Variants in PTPRK observed in about 807,000 individuals in gnomAD.
PTPRK encodes the protein protein tyrosine phosphatase receptor type K.
In PTPRK, 75 loss-of-function variants were observed where a neutral mutation model predicts 178.0. The observed-to-expected ratio is 0.42, with a 90% CI of 0.35 to 0.51. The LOEUF is 0.51. Ranked by LOEUF, PTPRK falls within the 20% of genes least tolerant of loss-of-function variation. PTPRK has a pLI of 0.02. For synonymous variants in PTPRK, 637 were observed against 620.6 expected, an observed-to-expected ratio of 1.03 and a Z score of -0.39; for missense variants, 1,441 against 1,797.8, an observed-to-expected ratio of 0.80 and a Z score of 3.59.
At chr6:127,993,336 CATCTT>C (rs1314922848) in intron 18 of PTPRK, among the ~76,000 whole-genome samples, 10 of 151,488 alleles carry the variant, frequency 6.6e-5, no homozygotes, top group Non-Finnish European at 1.3e-4. Flanking sequence ...TTTAAAAATG[CATCTT>C]ATCTTGAGCA....
chr6:128,065,089 T>C (rs888494377), intron 12 of PTPRK, among the ~76,000 whole-genome samples: 15 of 152,206 alleles, frequency 9.9e-5, no homozygotes, highest in African/African-American at 3.6e-4. Context: ...TCATGTATAG[T>C]GCTTCGTAAA....
At position 128,017,808 on chromosome 6, in the gene PTPRK, A is replaced by G. The variant is rs547918454; in HGVS notation, c.2195-8540T>C. On this transcript the variant is annotated intron_variant, in intron 13 of 29. Coordinates refer to ENST00000368226, the MANE Select transcript of PTPRK (RefSeq NM_002844.4). ...TATAAATAAATATATATGTGTATATATATATATATATATATATATATATAT... is the reference window on the plus strand; with the variant it reads ...TATAAATAAATATATATGTGTATATGTATATATATATATATATATATATAT... Among the ~76,000 whole-genome samples, 840 of 101,902 alleles carry G rather than the reference A, an allele frequency of 8.2e-3. 16 individuals carry two copies. Among genetic ancestry groups the G allele is most frequent in the African/African-American group, 0.056 (752 of 13,452 alleles). 66.9% of individuals were successfully genotyped at this position (101,902 alleles called of 152,430 possible).
intron 15 of PTPRK, chr6:128,000,303 T>C: frequency 2.3e-6 from 3 of 1,304,028 alleles, no homozygotes; most frequent in Non-Finnish European, 3.0e-6. Flanking sequence ...AAATGAATTG[T>C]TGTCCCCATG....
chr6:128,048,475 T>C (rs1401352934), intron 13 of PTPRK, among the ~76,000 whole-genome samples: 1 of 152,200 alleles, frequency 6.6e-6, no homozygotes, highest in Non-Finnish European at 1.5e-5. Flanking sequence ...GATGCCCTCA[T>C]TCCCTTCAGG....
intron 6 of PTPRK, among the ~76,000 whole-genome samples, chr6:128,187,100 T>C (rs1473776983): frequency 6.6e-6 from 1 of 152,110 alleles, no homozygotes; most frequent in Non-Finnish European, 1.5e-5. Context: ...CATAAATTTA[T>C]AGATATTCTG....
chr6:128,416,647 T>TA lies in PTPRK; in HGVS notation c.101-18960dup, dbSNP rs762520693. 4.0e-3 allele frequency among the ~76,000 whole-genome samples: 486 copies of TA among 121,512 alleles called. 2 individuals carry two copies. The highest frequency in any genetic ancestry group is 0.035 in the East Asian group (152 of 4,282). 79.7% of individuals were successfully genotyped at this position (121,512 alleles called of 152,430 possible). A position where few individuals can be genotyped will look rare whatever the true frequency, so the allele number is the denominator to read the frequency against. ...TGGGTGAAAGAGCCAGACTCCATCT[T>TA]AAAAAAAAAAAAAAAAAAGAACTGG... On this transcript the variant is annotated intron_variant, in intron 1 of 29. Transcript: ENST00000368226.
chr6:128,120,633 A>G (rs1013367739), intron 7 of PTPRK, among the ~76,000 whole-genome samples: 1 of 152,128 alleles, frequency 6.6e-6, no homozygotes, highest in Non-Finnish European at 1.5e-5. Context: ...TAATCATGAT[A>G]AAGGCAGAAA....
At chr6:127,987,825 C>T (rs1161289872) in intron 21 of PTPRK, among the ~76,000 whole-genome samples, 2 of 151,946 alleles carry the variant, frequency 1.3e-5, no homozygotes, top group Admixed American at 6.6e-5. Context: ...AATGAATAGT[C>T]GTTAGTTCTT....
At chr6:128,159,200 G>GA (rs1467901067) in intron 7 of PTPRK, among the ~76,000 whole-genome samples, 8 of 151,590 alleles carry the variant, frequency 5.3e-5, no homozygotes, top group Non-Finnish European at 1.2e-4. Flanking sequence ...AACCATTACA[G>GA]AAAAAAAGAA....
chr6:128,226,402 C>T (rs1033484971), intron 5 of PTPRK, among the ~76,000 whole-genome samples: 1 of 152,132 alleles, frequency 6.6e-6, no homozygotes, highest in Non-Finnish European at 1.5e-5. Context: ...ATGCTACAAT[C>T]TCCAGTTATT....
chr6:128,221,386 C>T (rs191236355), intron 5 of PTPRK, among the ~76,000 whole-genome samples: 34 of 151,788 alleles, frequency 2.2e-4, no homozygotes, highest in Non-Finnish European at 4.0e-4. Context: ...TAGCCAGGCG[C>T]GGTGGCGGGT....
intron 7 of PTPRK, among the ~76,000 whole-genome samples, chr6:128,141,110 T>G (rs148450009): frequency 6.6e-6 from 1 of 152,116 alleles, no homozygotes; most frequent in African/African-American, 2.4e-5. Context: ...GAAGAGTTGA[T>G]TCTTGATGGA....
At chr6:128,445,126 G>T (rs538290130) in intron 1 of PTPRK, among the ~76,000 whole-genome samples, 6 of 146,846 alleles carry the variant, frequency 4.1e-5, no homozygotes, top group Non-Finnish European at 7.5e-5. Flanking sequence ...GCACTTTGGT[G>T]GGAGGAAAGC....
At chr6:128,233,721 C>T (rs780841497) in intron 5 of PTPRK, among the ~76,000 whole-genome samples, 22 of 152,152 alleles carry the variant, frequency 1.4e-4, no homozygotes, top group East Asian at 5.8e-4. Flanking sequence ...CCAGCACCTG[C>T]GGCGATTACT....
rs193141365 is a variant in PTPRK at position 128,217,354 on chromosome 6, T to A, written c.868+1568A>T. Reference sequence around the variant, plus strand: ...TCGTATTTAATCTATAAAGTTTTTTTAAAAAATGAGTGATAGAGTCTTCCA... The same window carrying A: ...TCGTATTTAATCTATAAAGTTTTTTAAAAAAATGAGTGATAGAGTCTTCCA... On this transcript the variant is annotated intron_variant, in intron 6 of 29. Coordinates refer to ENST00000368226, the MANE Select transcript of PTPRK (RefSeq NM_002844.4). Among the ~76,000 whole-genome samples, 778 of 152,242 alleles carry A rather than the reference T, an allele frequency of 5.1e-3. 12 individuals carry two copies. The highest frequency in any genetic ancestry group is 0.018 in the African/African-American group (739 of 41,508).
chr6:128,001,243 A>G, intron 15 of PTPRK: 1 of 1,509,438 alleles, frequency 6.6e-7, no homozygotes, highest in Non-Finnish European at 9.0e-7. Flanking sequence ...ACAAAAACCA[A>G]AAATACGAAT....
intron 1 of PTPRK, among the ~76,000 whole-genome samples, chr6:128,473,060 T>C (rs1850910239): frequency 2.0e-5 from 3 of 152,114 alleles, no homozygotes; most frequent in African/African-American, 7.2e-5. Context: ...ATGTCCTTTT[T>C]AAGTATAATT....
chr6:128,481,766 G>T (rs1852114520), intron 1 of PTPRK, among the ~76,000 whole-genome samples: 1 of 151,952 alleles, frequency 6.6e-6, no homozygotes, highest in African/African-American at 2.4e-5. Flanking sequence ...CCTCTACCAA[G>T]AACTTTCATG....
intron 13 of PTPRK, among the ~76,000 whole-genome samples, chr6:128,040,433 A>C (rs964345048): frequency 2.0e-5 from 3 of 152,082 alleles, no homozygotes; most frequent in African/African-American, 7.2e-5. Flanking sequence ...ACAGCAGCAA[A>C]TAGATCAAGA....
Sources: gnomAD v4.1 joint callset for allele counts (sites outside exome capture counted in the v4.1 genomes callset) on GRCh38, gnomAD v4.1.1 for gene constraint, MANE v1.5 for transcripts, NCBI Gene and HGNC (gene_info 2026-07-23, HGNC 2026-07-21) for gene names.